Variants in MAK observed in about 807,000 individuals in gnomAD.
MAK encodes serine/threonine-protein kinase MAK.
A neutral mutation model predicts 82.6 loss-of-function variants in MAK; 65 were observed. The observed-to-expected ratio is 0.79, with a 90% confidence interval of 0.64 to 0.97. The LOEUF is 0.97. Among genes scored for constraint, MAK ranks in the 50% least tolerant of loss-of-function variants. The pLI, the probability that MAK is intolerant of heterozygous loss-of-function variation, is 0.00. For synonymous variants in MAK, 250 were observed against 274.2 expected (o/e 0.91, Z 0.87); for missense variants, 703 against 780.2 (o/e 0.90, Z 1.18).
At chr6:10,830,493 G>T in intron 2 of MAK, 55 bp downstream of exon 2, 2 of 1,418,396 alleles carry the variant, frequency 1.4e-6, no homozygotes. Context: ...AGCGAGGACA[G>T]GAAAATAAAG....
intron 5 of MAK, among the ~76,000 whole-genome samples, chr6:10,811,691 A>G (rs1033467133): frequency 5.3e-5 from 8 of 152,260 alleles, no homozygotes; most frequent in Non-Finnish European, 7.3e-5. Flanking sequence ...AAAGTGTAGT[A>G]TATCATTACA....
At chr6:10,775,777 C>T (rs114801692) in intron 11 of MAK, among the ~76,000 whole-genome samples, 158 of 152,072 alleles carry the variant, frequency 1.0e-3, no homozygotes, top group African/African-American at 3.2e-3. Context: ...AACAACACGA[C>T]GTTTTTTTTG....
intron 11 of MAK, among the ~76,000 whole-genome samples, chr6:10,780,823 C>G (rs978710408): frequency 3.3e-5 from 5 of 152,156 alleles, no homozygotes; most frequent in African/African-American, 1.2e-4. Flanking sequence ...GTTTTGAAAA[C>G]TTTCTTCCAT....
At chr6:10,790,888 TCTCA>T (rs1402339525) in intron 10 of MAK, among the ~76,000 whole-genome samples, 2 of 152,182 alleles carry the variant, frequency 1.3e-5, no homozygotes, top group Non-Finnish European at 2.9e-5. Flanking sequence ...ACGAGTGAGT[TCTCA>T]CTCTGAGTTC....
chr6:10,785,019 A>G, intron 10 of MAK: 1 of 455,600 alleles, frequency 2.2e-6, no homozygotes, highest in South Asian at 1.6e-5. Flanking sequence ...AAGCTCCCGT[A>G]TACAATTTCC....
At chr6:10,768,444 G>A (rs1185168511) in intron 14 of MAK, among the ~76,000 whole-genome samples, 2 of 152,074 alleles carry the variant, frequency 1.3e-5, no homozygotes, top group African/African-American at 2.4e-5. Flanking sequence ...AGCTGGGCAT[G>A]GTGGTGCATG....
chr6:10,774,173 T>C (rs937213059), intron 12 of MAK, among the ~76,000 whole-genome samples: 1 of 152,184 alleles, frequency 6.6e-6, no homozygotes. Flanking sequence ...AAGTCTAAAA[T>C]TGGTCACTCT....
intron 2 of MAK, among the ~76,000 whole-genome samples, chr6:10,821,103 C>T (rs1470008994): frequency 6.6e-6 from 1 of 152,034 alleles, no homozygotes; most frequent in Non-Finnish European, 1.5e-5. Flanking sequence ...TACATGCCAC[C>T]ACGCCCAGCA....
chr6:10,809,450 T>G (rs946952992), intron 5 of MAK, among the ~76,000 whole-genome samples: 1 of 152,162 alleles, frequency 6.6e-6, no homozygotes, highest in African/African-American at 2.4e-5. Flanking sequence ...CTCGGCCCAC[T>G]AAGTAGCTGG....
In MAK at chr6:10,817,850, C is replaced by G; in HGVS notation, c.278G>C (p.Arg93Thr). 1 of 1,490,830 alleles carries G rather than the reference C, an allele frequency of 6.7e-7. No individual in the cohort carries two copies. Among genetic ancestry groups the G allele is most frequent in the Non-Finnish European group, 9.2e-7 (1 of 1,084,726 alleles). The allele number at this position is 1,490,830 out of a possible 1,614,324, so 92.4% of individuals were successfully genotyped here. ...KENLYQLMKD[R>T]NKLFPESVIR... ...GGGAAAAACATGAATAAAAACATAC[C>G]TGTCTTTCATTAATTGATAGAGGTT... Residue 93 changes from arginine (R) to threonine (T), a missense_variant and splice_region_variant, in exon 4 of 15, where the codon AGA becomes ACA. Transcript: ENST00000354489.
At chr6:10,837,424 G>C (rs1274292979) in intron 1 of MAK, among the ~76,000 whole-genome samples, 1 of 152,198 alleles carries the variant, frequency 6.6e-6, no homozygotes, top group East Asian at 1.9e-4. Flanking sequence ...CGTCCTGCCC[G>C]GTGCCTGCAG....
intron 5 of MAK, among the ~76,000 whole-genome samples, chr6:10,809,923 C>G (rs1776782990): frequency 6.6e-6 from 1 of 151,834 alleles, no homozygotes; most frequent in Admixed American, 6.6e-5. Context: ...TATGATGAAA[C>G]CCCGTCTATA....
intron 6 of MAK, among the ~76,000 whole-genome samples, chr6:10,808,591 T>TTGAA (rs1258713350): frequency 6.6e-6 from 1 of 152,238 alleles, no homozygotes; most frequent in East Asian, 1.9e-4. Context: ...TAAATATTTG[T>TTGAA]TGAATGAATG....
intron 1 of MAK, among the ~76,000 whole-genome samples, chr6:10,832,807 A>G (rs551609515): frequency 4.3e-4 from 66 of 152,232 alleles, no homozygotes; most frequent in African/African-American, 1.5e-3. Flanking sequence ...CCACAATAAG[A>G]TATTTTTAAA....
intron 13 of MAK, among the ~76,000 whole-genome samples, chr6:10,772,361 T>G (rs1005007000): frequency 2.8e-4 from 43 of 152,110 alleles, no homozygotes; most frequent in African/African-American, 1.0e-3. Flanking sequence ...ATTTATTTAT[T>G]TGAGATGGAG....
At position 10,820,126 on chromosome 6, in the gene MAK, A is replaced by T. The variant is rs949702622; in HGVS notation, c.102-1186T>A. Among the ~76,000 whole-genome samples the T allele has an allele frequency of 9.2e-5, 14 of 151,798 alleles. No individual in the cohort carries two copies. In the East Asian group the frequency reaches 9.6e-4, roughly 10 times the overall value. ...GACTCTGTCTCAAAAAAAAAAATTT[A>T]AAAAAAACAGGATTCATATTCTAAA... On this transcript the variant is annotated intron_variant, in intron 2 of 14. Coordinates refer to ENST00000354489, the MANE Select transcript of MAK (RefSeq NM_001242957.3).
chr6:10,813,086 T>TA (rs1777095711), intron 5 of MAK, among the ~76,000 whole-genome samples: 2 of 34,906 alleles, frequency 5.7e-5, no homozygotes, highest in African/African-American at 2.0e-4. Context: ...TTATGTATTT[T>TA]TATATATATA....
rs1191421873 is a variant in MAK, at chr6:10,791,748, A to T, written c.1243T>A (p.Phe415Ile). Residue 415 changes from phenylalanine to isoleucine, a missense_variant, in exon 10 of 15, where the codon TTC becomes ATC. Physicochemically the swap from Phe to Ile is conservative, Grantham distance 21 (BLOSUM62 0). Coordinates refer to ENST00000354489, the MANE Select transcript of MAK (RefSeq NM_001242957.3). ...DSWEELEDYD[F>I]GASHSKKPSM... ...GGCTTCTTGGAATGGGAGGCTCCGA[A>T]ATCATAGTCCTCCAACTCTTCCCAG... is the stretch of plus-strand genomic sequence containing the variant. 3.7e-6 allele frequency: 6 copies of T among 1,613,990 alleles called. No individual in the cohort carries two copies. The highest frequency in any genetic ancestry group is 5.1e-6 in the Non-Finnish European group (6 of 1,180,000).
intron 2 of MAK, among the ~76,000 whole-genome samples, chr6:10,828,795 G>GA (rs1490555313): frequency 5.9e-5 from 9 of 151,412 alleles, no homozygotes; most frequent in East Asian, 5.9e-4. Flanking sequence ...ACCCTGTCTT[G>GA]AAAAAAAAGA....
Sources: gnomAD v4.1 joint callset for allele counts (sites outside exome capture counted in the v4.1 genomes callset) on GRCh38, gnomAD v4.1.1 for gene constraint, MANE v1.5 for transcripts, NCBI Gene and HGNC (gene_info 2026-07-23, HGNC 2026-07-21) for gene names.